PITPNB: variants seen among roughly 807,000 people sequenced by gnomAD.
The protein encoded by PITPNB is phosphatidylinositol transfer protein beta isoform.
PITPNB carries 16 observed loss-of-function variants against 45.9 expected under a neutral mutation model. That is an observed-to-expected ratio of 0.35 (90% CI 0.24 to 0.53). PITPNB has a LOEUF of 0.53. PITPNB is among the 20% of genes least tolerant of loss of function. The pLI is 0.93. For synonymous variants in PITPNB, 112 were observed against 108.9 expected (o/e 1.03, Z -0.18); for missense variants, 188 against 330.5 (o/e 0.57, Z 3.34).
At position 27,858,710 on chromosome 22, in the gene PITPNB, T is replaced by C. The variant is rs1187808907; in HGVS notation, c.646-201A>G. 3.3e-5 allele frequency among the ~76,000 whole-genome samples: 5 copies of C among 152,130 alleles called. No individual in the cohort carries two copies. In the East Asian group the frequency reaches 5.8e-4, roughly 18 times the overall value. On this transcript the variant is annotated intron_variant, in intron 9 of 11. Transcript: ENST00000335272. ...TAAACAAACAAAAAAAAACTTTCCC[T>C]GTGAAATGAAAAATAATCTCCTAGG...
At chr22:27,874,270 C>T (rs551380306) in intron 7 of PITPNB, among the ~76,000 whole-genome samples, 1 of 152,300 alleles carries the variant, frequency 6.6e-6, no homozygotes, top group East Asian at 1.9e-4. Context: ...TCAGAACTAT[C>T]GATTCTGCAG....
At chr22:27,884,837 G>A (rs990396874) in intron 7 of PITPNB, among the ~76,000 whole-genome samples, 3 of 151,956 alleles carry the variant, frequency 2.0e-5, no homozygotes, top group African/African-American at 4.8e-5. Context: ...AGATGTTAAG[G>A]TGCATCACTT....
In PITPNB at chr22:27,897,900, A is replaced by C; in HGVS notation, c.198-8T>G. 1 of 1,587,320 alleles carries C rather than the reference A, an allele frequency of 6.3e-7. No homozygotes were observed. The highest frequency in any genetic ancestry group is 8.7e-7 in the Non-Finnish European group (1 of 1,155,710). ...ACGAATGCAGGCACTTTGCTGGGAG[A>C]AGAGAGATACTGGATATATTTAACA... On this transcript the variant is annotated splice_polypyrimidine_tract_variant and splice_region_variant and intron_variant, in intron 3 of 11. Transcript: ENST00000335272.
chr22:27,896,745 CTCAAGTGACAAAGAA>C (rs1253234278), intron 5 of PITPNB, 119 bp from the exon 6 acceptor site: 1 of 661,196 alleles, frequency 1.5e-6, no homozygotes, highest in Non-Finnish European at 2.7e-6. Flanking sequence ...GAGACTGATA[CTCAAGTGACAAAGAA>C]TCATTGGCTA....
chr22:27,873,655 C>T (rs1441077073), intron 8 of PITPNB, 83 bp downstream of exon 8: 5 of 819,126 alleles, frequency 6.1e-6, no homozygotes, highest in African/African-American at 1.7e-5. Flanking sequence ...TTCACTTAAA[C>T]GTCACCAGCT....
intron 7 of PITPNB, among the ~76,000 whole-genome samples, chr22:27,892,971 A>C (rs909443683): frequency 8.5e-5 from 13 of 152,312 alleles, no homozygotes; most frequent in African/African-American, 2.6e-4. Context: ...GTTTACCTTT[A>C]AATTTCAACA....
Position 27,873,802 on chromosome 22 carries a change from T to C in PITPNB, c.470A>G (p.Asp157Gly). The stretch of plus-strand genomic sequence containing the variant: ...TGACTGGAATAATGCTGGGTCTTCA[T>C]CAGCTTTGTAGTCCTGCAAAGCAAA... ...SQVEPADYKA[D>G]EDPALFQSVK... Residue 157 changes from aspartate to glycine, a missense_variant, in exon 8 of 12, where the codon GAT (aspartate) becomes GGT (glycine). Asp to Gly is a moderately conservative substitution (Grantham distance 94). Transcript: ENST00000335272. 3 of 1,612,278 alleles carry C rather than the reference T, an allele frequency of 1.9e-6. No homozygotes were observed. Among genetic ancestry groups the C allele is most frequent in the Non-Finnish European group, 2.5e-6 (3 of 1,178,328 alleles).
chr22:27,866,394 G>T (rs761785722), intron 8 of PITPNB, among the ~76,000 whole-genome samples: 2 of 152,156 alleles, frequency 1.3e-5, no homozygotes, highest in South Asian at 4.1e-4. Flanking sequence ...AGGTCTTAGG[G>T]GGAGTAATGT....
intron 10 of PITPNB, among the ~76,000 whole-genome samples, chr22:27,856,824 C>G (rs906027563): frequency 1.6e-4 from 24 of 152,122 alleles, no homozygotes; most frequent in African/African-American, 5.8e-4. Flanking sequence ...GGCAGGTATT[C>G]CTGAAGCCTT....
chr22:27,896,665 A>C, intron 5 of PITPNB, 39 bp from the exon 6 acceptor site: 1 of 1,407,356 alleles, frequency 7.1e-7, no homozygotes, highest in Non-Finnish European at 1.0e-6. Context: ...GTGATCTTCT[A>C]CCTGTTCCTT....
At chr22:27,905,611 A>T (rs1055336150) in intron 3 of PITPNB, among the ~76,000 whole-genome samples, 2 of 152,224 alleles carry the variant, frequency 1.3e-5, no homozygotes, top group African/African-American at 4.8e-5. Context: ...CCTTGGAACC[A>T]CATGAAATTT....
At position 27,879,718 on chromosome 22, in the gene PITPNB, G is replaced by A. The variant is rs182361285; in HGVS notation, c.457-5903C>T. Among the ~76,000 whole-genome samples the A allele has an allele frequency of 3.9e-3, 593 of 152,194 alleles. 2 individuals carry two copies. Among genetic ancestry groups the A allele is most frequent in the Admixed American group, 7.7e-3 (118 of 15,288 alleles). ...TACTGCATATACCTGAAATGTAAGT[G>A]ATACATTTAGAAAAGTTTTATTTAC... On this transcript the variant is annotated intron_variant, in intron 7 of 11. Transcript: ENST00000335272.
intron 6 of PITPNB, among the ~76,000 whole-genome samples, chr22:27,895,547 G>A (rs1008678844): frequency 2.6e-5 from 4 of 151,766 alleles, no homozygotes; most frequent in Non-Finnish European, 5.9e-5. Context: ...CAGACAGCAC[G>A]TGATTGCACC....
chr22:27,907,105 C>T (rs1328684588), intron 3 of PITPNB, among the ~76,000 whole-genome samples: 1 of 152,148 alleles, frequency 6.6e-6, no homozygotes, highest in Non-Finnish European at 1.5e-5. Context: ...GTGCACCCAG[C>T]TTAGGATAAT....
intron 8 of PITPNB, among the ~76,000 whole-genome samples, chr22:27,867,896 C>CT (rs571786057): frequency 1.1e-4 from 16 of 151,766 alleles, no homozygotes; most frequent in Admixed American, 2.0e-4. Context: ...CATGGAACAG[C>CT]TTTTTTTTGG....
Position 27,854,855 on chromosome 22 carries a change from C to T in PITPNB, c.*37G>A. 6.2e-7 allele frequency: 1 copy of T among 1,600,580 alleles called. No individual in the cohort carries two copies. The highest frequency in any genetic ancestry group is 1.7e-5 in the Admixed American group (1 of 59,708). On this transcript the variant is annotated splice_region_variant and 3_prime_UTR_variant, in exon 11 of 12. Coordinates refer to ENST00000335272, the MANE Select transcript of PITPNB (RefSeq NM_012399.5). ...CTTTTTACCCAGGTCTTCACTTACA[C>T]AGTTTGACATTGTCTCTGACCCTAC...
intron 8 of PITPNB, among the ~76,000 whole-genome samples, chr22:27,861,520 T>C (rs1233730415): frequency 1.3e-5 from 2 of 151,870 alleles, no homozygotes; most frequent in African/African-American, 4.8e-5. Context: ...ACTTCCAAGG[T>C]GATGTGTGCA....
intron 7 of PITPNB, among the ~76,000 whole-genome samples, chr22:27,878,582 A>C (rs1934883606): frequency 6.6e-6 from 1 of 152,226 alleles, no homozygotes; most frequent in Non-Finnish European, 1.5e-5. Flanking sequence ...AGTAAATCTC[A>C]TTAATTCAGG....
At chr22:27,919,021 C>T (rs528938739) in intron 1 of PITPNB, 151 bp downstream of exon 1, 2 of 1,116,494 alleles carry the variant, frequency 1.8e-6, no homozygotes, top group African/African-American at 1.6e-5. Context: ...CGCTGAGGGG[C>T]TTCGAAGGGG....
Sources: allele counts gnomAD v4.1 joint callset (sites outside exome capture counted in the v4.1 genomes callset), GRCh38; gene constraint gnomAD v4.1.1; transcripts MANE v1.5; gene names NCBI Gene and HGNC (gene_info 2026-07-23, HGNC 2026-07-21).